UGT2B15: variants seen among roughly 807,000 people sequenced by gnomAD.
The protein encoded by UGT2B15 is UDP glucuronosyltransferase family 2 member B15.
A neutral mutation model predicts 45.9 loss-of-function variants in UGT2B15; 36 were observed. That is an observed-to-expected ratio of 0.78 (90% confidence interval 0.60 to 1.04). The LOEUF is 1.04. Ranked by LOEUF, UGT2B15 falls within the 50% of genes least tolerant of loss-of-function variation. The pLI, the probability that UGT2B15 is intolerant of heterozygous loss-of-function variation, is 0.00. For synonymous variants in UGT2B15, 219 were observed against 216.4 expected, an observed-to-expected ratio of 1.01 and a Z score of -0.11; for missense variants, 617 against 622.4, an observed-to-expected ratio of 0.99 and a Z score of 0.09.
rs1732491413 is a variant in UGT2B15 at position 68,646,949 on chromosome 4, T to A, written c.*155A>T. The A allele has an allele frequency of 8.6e-7, 1 of 1,164,668 alleles. No individual in the cohort carries two copies. 72.1% of individuals were successfully genotyped at this position (1,164,668 alleles called of 1,614,324 possible). A position where few individuals can be genotyped will look rare whatever the true frequency, so the allele number is the denominator to read the frequency against. ...TAGAATAATTCAGCTAAAGTACGTA[T>A]TAAATCCCTGGAAAATAAATTTTGT... On this transcript the variant is annotated 3_prime_UTR_variant, in exon 6 of 6. Transcript: ENST00000338206.
Position 68,647,075 on chromosome 4 carries a change from A to C in UGT2B15, c.*29T>G. The C allele has an allele frequency of 6.3e-7, 1 of 1,591,000 alleles. No homozygotes were observed. Among genetic ancestry groups the C allele is most frequent in the Non-Finnish European group, 8.6e-7 (1 of 1,166,896 alleles). On this transcript the variant is annotated 3_prime_UTR_variant, in exon 6 of 6. Coordinates refer to ENST00000338206, the MANE Select transcript of UGT2B15 (RefSeq NM_001076.4). The stretch of plus-strand genomic sequence containing the variant: ...AAATAAAGGAGGAGTCCCATCTTTC[A>C]GTCATTCCACTTCAGGCTTTTGATA...
intron 4 of UGT2B15, among the ~76,000 whole-genome samples, chr4:68,654,642 C>T (rs1400678971): frequency 6.6e-6 from 1 of 151,870 alleles, no homozygotes; most frequent in Non-Finnish European, 1.5e-5. Flanking sequence ...ACCGGTTATG[C>T]ATCATCATGA....
intron 2 of UGT2B15, among the ~76,000 whole-genome samples, chr4:68,663,929 A>G (rs1346565446): frequency 6.6e-6 from 1 of 152,116 alleles, no homozygotes; most frequent in East Asian, 1.9e-4. Context: ...CTTATTTCTC[A>G]GGTCATTGCT....
At chr4:68,668,297 T>C (rs1439226618) in intron 1 of UGT2B15, 109 bp from the exon 2 acceptor site, 2 of 1,505,452 alleles carry the variant, frequency 1.3e-6, no homozygotes, top group African/African-American at 1.4e-5. Context: ...CAAACATATA[T>C]AAAATGTCTG....
At chr4:68,664,059 C>A (rs974351599) in intron 2 of UGT2B15, among the ~76,000 whole-genome samples, 2 of 152,110 alleles carry the variant, frequency 1.3e-5, no homozygotes, top group South Asian at 2.1e-4. Flanking sequence ...GGCACTTGAA[C>A]CACAGTGGGA....
chr4:68,663,341 G>A (rs1305249171), intron 2 of UGT2B15, among the ~76,000 whole-genome samples: 1 of 151,856 alleles, frequency 6.6e-6, no homozygotes, highest in Non-Finnish European at 1.5e-5. Flanking sequence ...GTGTAAATAT[G>A]TGTGCATATG....
At position 68,646,743 on chromosome 4, in the gene UGT2B15, C is replaced by CTTTTTTTTTT. The variant is rs1430063842; in HGVS notation, c.*360_*361insAAAAAAAAAA. 8.5e-6 allele frequency: 1 copy of CTTTTTTTTTT among 117,264 alleles called. No individual in the cohort carries two copies. The allele number at this position is 117,264 out of a possible 1,614,324, so 7.3% of individuals were successfully genotyped here. On this transcript the variant is annotated 3_prime_UTR_variant, in exon 6 of 6. Transcript: ENST00000338206. ...AAAAGAGTTGTATTTTTTTTTTTTG[C>CTTTTTTTTTT]TTTTTTTAAATTATACTTTAAGTTT...
At position 68,659,750 on chromosome 4, in the gene UGT2B15, A is replaced by G. The variant is rs1004231719; in HGVS notation, c.1005+3258T>C. 1.3e-4 allele frequency among the ~76,000 whole-genome samples: 19 copies of G among 151,994 alleles called. 1 individual carries two copies. Among genetic ancestry groups the G allele is most frequent in the Non-Finnish European group, 2.1e-4 (14 of 67,972 alleles). On this transcript the variant is annotated intron_variant, in intron 3 of 5. Coordinates refer to ENST00000338206, the MANE Select transcript of UGT2B15 (RefSeq NM_001076.4). ...ATTCTAACAGGTGCTCTTGAAAAAA[A>G]GTTTTTGATAATTTTGGAGATTGTG...
intron 2 of UGT2B15, among the ~76,000 whole-genome samples, chr4:68,663,520 G>A (rs1236579789): frequency 6.6e-6 from 1 of 151,774 alleles, no homozygotes; most frequent in African/African-American, 2.4e-5. Context: ...AATTTTTTTT[G>A]TGGTTCTACT....
intron 5 of UGT2B15, among the ~76,000 whole-genome samples, chr4:68,653,251 G>A (rs760044772): frequency 3.9e-5 from 6 of 151,984 alleles, no homozygotes; most frequent in Non-Finnish European, 8.8e-5. Context: ...AAATGTCCAT[G>A]ACCTGATAAA....
intron 3 of UGT2B15, among the ~76,000 whole-genome samples, chr4:68,662,288 A>G (rs1732989791): frequency 6.6e-6 from 1 of 152,026 alleles, no homozygotes; most frequent in Admixed American, 6.6e-5. Flanking sequence ...ACATTTAATA[A>G]TGCACATAGT....
At chr4:68,656,563 C>G (rs1191703528) in intron 3 of UGT2B15, among the ~76,000 whole-genome samples, 1 of 151,952 alleles carries the variant, frequency 6.6e-6, no homozygotes, top group Non-Finnish European at 1.5e-5. Flanking sequence ...AAAACAAAAC[C>G]TAAAAACCAT....
chr4:68,659,992 G>A (rs865818514), intron 3 of UGT2B15, among the ~76,000 whole-genome samples: 42 of 147,114 alleles, frequency 2.9e-4, no homozygotes, highest in African/African-American at 1.0e-3. Context: ...TAACAATTTA[G>A]TATACTCCTA....
chr4:68,665,080 T>C (rs1233679097), intron 2 of UGT2B15, among the ~76,000 whole-genome samples: 1 of 152,172 alleles, frequency 6.6e-6, no homozygotes, highest in Non-Finnish European at 1.5e-5. Context: ...TCTCATTCTG[T>C]GATGTCTTTA....
intron 3 of UGT2B15, among the ~76,000 whole-genome samples, chr4:68,657,959 C>T (rs1397488821): frequency 6.6e-6 from 1 of 151,916 alleles, no homozygotes; most frequent in African/African-American, 2.4e-5. Flanking sequence ...TTTTATTTTC[C>T]TTCCAGCACA....
intron 3 of UGT2B15, among the ~76,000 whole-genome samples, chr4:68,659,349 G>A (rs993725351): frequency 6.6e-6 from 1 of 151,746 alleles, no homozygotes; most frequent in Non-Finnish European, 1.5e-5. Flanking sequence ...GATTTTTTCT[G>A]ACCTAAGTAA....
rs1014531718 is a variant in UGT2B15, at chr4:68,656,111, G to GT, written c.1006-930dup. On this transcript the variant is annotated intron_variant, in intron 3 of 5. Coordinates refer to ENST00000338206, the MANE Select transcript of UGT2B15 (RefSeq NM_001076.4). ...TTATTTTGCTGTACAACTCCTTTTT[G>GT]TTTTTTTTGGAGTTTTACTTGCTTC... Among the ~76,000 whole-genome samples, 57 of 151,678 alleles carry GT rather than the reference G, an allele frequency of 3.8e-4. 1 individual carries two copies. The highest frequency in any genetic ancestry group is 2.1e-3 in the South Asian group (10 of 4,790).
chr4:68,669,849 C>T (rs1209897354), intron 1 of UGT2B15, 46 bp downstream of exon 1: 3 of 1,551,096 alleles, frequency 1.9e-6, no homozygotes, highest in African/African-American at 2.8e-5. Context: ...TTCAAAGGCA[C>T]AGAAAAGTTA....
Position 68,646,971 on chromosome 4 carries a change from T to G in UGT2B15, c.*133A>C. 7.4e-7 allele frequency: 1 copy of G among 1,348,168 alleles called. No homozygotes were observed. The highest frequency in any genetic ancestry group is 1.0e-6 in the Non-Finnish European group (1 of 988,414). 83.5% of individuals were successfully genotyped at this position (1,348,168 alleles called of 1,614,324 possible). ...GTATTAAATCCCTGGAAAATAAATT[T>G]TGTCTTAACAAGGTAAGTTGTGAAA... On this transcript the variant is annotated 3_prime_UTR_variant, in exon 6 of 6. Coordinates refer to ENST00000338206, the MANE Select transcript of UGT2B15 (RefSeq NM_001076.4).
Sources: gnomAD v4.1 joint callset for allele counts (sites outside exome capture counted in the v4.1 genomes callset) on GRCh38, gnomAD v4.1.1 for gene constraint, MANE v1.5 for transcripts, NCBI Gene and HGNC (gene_info 2026-07-23, HGNC 2026-07-21) for gene names.